Variants in MPHOSPH10 observed in about 807,000 individuals in gnomAD.
The protein encoded by MPHOSPH10 is U3 small nucleolar ribonucleoprotein MPP10.
MPHOSPH10 carries 33 observed loss-of-function variants against 77.3 expected under a neutral mutation model. The ratio of observed to expected loss-of-function variants is 0.43; its 90% CI spans 0.32 to 0.57. The LOEUF is 0.57. MPHOSPH10 is among the 20% of genes least tolerant of loss of function. The pLI is 0.07. For missense variants in MPHOSPH10, 708 were observed against 780.1 expected (o/e 0.91, Z 1.10); for synonymous variants, 245 against 268.0 (o/e 0.91, Z 0.84).
chr2:71,149,116 C>A, intron 9 of MPHOSPH10, 107 bp from the exon 10 acceptor site: 2 of 983,792 alleles, frequency 2.0e-6, no homozygotes, highest in Non-Finnish European at 3.0e-6. Context: ...GTGCATTTGG[C>A]CACAGATGCA....
intron 7 of MPHOSPH10, among the ~76,000 whole-genome samples, chr2:71,141,765 C>T (rs554678685): frequency 1.3e-5 from 2 of 152,084 alleles, no homozygotes; most frequent in Admixed American, 6.6e-5. Context: ...TATGGTGGCT[C>T]ACATCTGTAA....
chr2:71,146,490 C>T (rs1167348582), intron 8 of MPHOSPH10, among the ~76,000 whole-genome samples: 2 of 152,058 alleles, frequency 1.3e-5, no homozygotes, highest in Non-Finnish European at 2.9e-5. Context: ...CATGCACCAC[C>T]ACGGCTGGCT....
intron 4 of MPHOSPH10, among the ~76,000 whole-genome samples, chr2:71,138,012 A>G (rs571630239): frequency 6.6e-6 from 1 of 152,282 alleles, no homozygotes; most frequent in South Asian, 2.1e-4. Context: ...AGAATTGCTC[A>G]GGAGACGGAG....
chr2:71,145,034 A>G (rs531598900), intron 8 of MPHOSPH10, among the ~76,000 whole-genome samples: 40 of 152,274 alleles, frequency 2.6e-4, no homozygotes, highest in Non-Finnish European at 5.4e-4. Context: ...GAGAAAACCA[A>G]GGTTTAGGAG....
intron 7 of MPHOSPH10, among the ~76,000 whole-genome samples, chr2:71,144,013 T>C (rs142515609): frequency 6.6e-6 from 1 of 152,222 alleles, no homozygotes; most frequent in African/African-American, 2.4e-5. Flanking sequence ...CTGCCAAGCT[T>C]GTTGCCACTG....
chr2:71,139,955 A>C (rs918643320), intron 6 of MPHOSPH10, 93 bp downstream of exon 6: 2 of 899,680 alleles, frequency 2.2e-6, no homozygotes, highest in Non-Finnish European at 3.4e-6. Flanking sequence ...ATTGCTTTTT[A>C]TTTTCACTTA....
At position 71,133,119 on chromosome 2, in the gene MPHOSPH10, T is replaced by A. The variant is rs571498907; in HGVS notation, c.311T>A (p.Ile104Asn). Residue 104 changes from isoleucine (I) to asparagine (N), a missense_variant, in exon 2 of 11, where the codon ATC becomes AAC. Transcript: ENST00000244230. ...AGTGAAACAATTAATGATGAAGATATCAGTCTTCTCCCAGAGAGTGAAGAA... is the reference window on the plus strand; with the variant it reads ...AGTGAAACAATTAATGATGAAGATAACAGTCTTCTCCCAGAGAGTGAAGAA... The part of the protein sequence containing the change: ...AVSETINDED[I>N]SLLPESEEQE... The A allele has an allele frequency of 6.2e-7, 1 of 1,614,096 alleles. No individual in the cohort carries two copies. The highest frequency in any genetic ancestry group is 8.5e-7 in the Non-Finnish European group (1 of 1,179,996).
chr2:71,134,871 A>G, intron 4 of MPHOSPH10, 74 bp downstream of exon 4: 1 of 1,227,026 alleles, frequency 8.1e-7, no homozygotes, highest in Non-Finnish European at 1.2e-6. Context: ...CCATCCTTTG[A>G]AAACAAATAT....
At chr2:71,133,682 A>T in intron 2 of MPHOSPH10, 106 bp downstream of exon 2, 1 of 1,205,226 alleles carries the variant, frequency 8.3e-7, no homozygotes, top group Non-Finnish European at 1.2e-6. Context: ...GATAAGAAAT[A>T]TTGTGCTCTA....
At chr2:71,130,865 CG>C (rs1426600855) in intron 1 of MPHOSPH10, 111 bp downstream of exon 1, 1 of 1,019,350 alleles carries the variant, frequency 9.8e-7, no homozygotes, top group Non-Finnish European at 1.4e-6. Flanking sequence ...AACGTAAAAT[CG>C]CTTTTCCCCA....
chr2:71,134,712 A>T lies in MPHOSPH10; in HGVS notation c.1013A>T (p.Asp338Val), dbSNP rs1369843889. ...LKRVTFALPD[D>V]AETEDTGVLN... ...AGAGTGACCTTTGCTTTACCAGATGATGCGGAAACTGAAGATACAGGTGTT... is the reference window on the plus strand; with the variant it reads ...AGAGTGACCTTTGCTTTACCAGATGTTGCGGAAACTGAAGATACAGGTGTT... Residue 338 changes from aspartate (D) to valine (V), a missense_variant, in exon 4 of 11, where the codon GAT becomes GTT. This residue lies in a region of MPHOSPH10 where 433 missense variants were observed against 432.6 expected (regional missense o/e 1.00). Coordinates refer to ENST00000244230, the MANE Select transcript of MPHOSPH10 (RefSeq NM_005791.3). The T allele has an allele frequency of 6.2e-7, 1 of 1,611,936 alleles. No individual in the cohort carries two copies. The highest frequency in any genetic ancestry group is 8.5e-7 in the Non-Finnish European group (1 of 1,178,804).
chr2:71,140,114 C>T (rs541847179), intron 6 of MPHOSPH10, among the ~76,000 whole-genome samples: 38 of 152,260 alleles, frequency 2.5e-4, no homozygotes, highest in South Asian at 8.3e-4. Flanking sequence ...ACCTTTTGGG[C>T]GGTGCTCAGT....
Position 71,138,580 on chromosome 2 carries a change from G to A in MPHOSPH10, c.1189G>A (p.Glu397Lys). ...QGEVTAQKRPENSLLEETLHF... is the reference protein window; with the variant it reads ...QGEVTAQKRPKNSLLEETLHF... ...GGAAGTGACAGCACAGAAGAGGCCA[G>A]AGAACAGCCTCCTGGAGGAGACCCT... Residue 397 changes from glutamate to lysine, a missense_variant, in exon 5 of 11, where the codon GAG becomes AAG. This residue lies in a region of MPHOSPH10 where 12 missense variants were observed against 27.6 expected (regional missense o/e 0.44). Transcript: ENST00000244230. 2 of 1,614,208 alleles carry A rather than the reference G, an allele frequency of 1.2e-6. No homozygotes were observed. Among genetic ancestry groups the A allele is most frequent in the Non-Finnish European group, 1.7e-6 (2 of 1,180,026 alleles).
At chr2:71,138,661 T>A in intron 5 of MPHOSPH10, 30 bp downstream of exon 5, 1 of 1,613,836 alleles carries the variant, frequency 6.2e-7, no homozygotes, top group Admixed American at 1.7e-5. Flanking sequence ...AGTTTTCATG[T>A]CTGTGCTTTT....
In MPHOSPH10 at chr2:71,144,537, C is replaced by T. The variant is rs759188709; in HGVS notation, c.1556C>T (p.Pro519Leu). Residue 519 changes from proline to leucine, a missense_variant and splice_region_variant, in exon 8 of 11, where the codon CCG becomes CTG. This residue lies in a region of MPHOSPH10 where 263 missense variants were observed against 320.0 expected (regional missense o/e 0.82). Coordinates refer to ENST00000244230, the MANE Select transcript of MPHOSPH10 (RefSeq NM_005791.3). ...ALSNFHFIPK[P>L]PVPEIKVVSN... ...TCAAACTTCCACTTTATCCCTAAAC[C>T]GGTAAGTGTGTTAACAGTTCAGTGT... 6.8e-6 allele frequency: 11 copies of T among 1,606,728 alleles called. No homozygotes were observed. Among genetic ancestry groups the T allele is most frequent in the Non-Finnish European group, 4.3e-6 (5 of 1,173,334 alleles).
At chr2:71,137,088 C>T (rs1333077114) in intron 4 of MPHOSPH10, among the ~76,000 whole-genome samples, 2 of 151,562 alleles carry the variant, frequency 1.3e-5, no homozygotes, top group East Asian at 3.9e-4. Context: ...TTCCTGACTG[C>T]AAGACATTAA....
Position 71,133,222 on chromosome 2 carries a change from G to A in MPHOSPH10, c.414G>A (p.Val138=). Residue 138 remains valine (V), a synonymous_variant, in exon 2 of 11, where the codon GTG becomes GTA. Transcript: ENST00000244230. ...EDLEDLEEEE[V]SDMGNDDPEM... Reference sequence around the variant, plus strand: ...TAGAAGATTTAGAGGAGGAGGAAGTGTCCGACATGGGTAATGATGATCCTG... The same window carrying A: ...TAGAAGATTTAGAGGAGGAGGAAGTATCCGACATGGGTAATGATGATCCTG... 1.2e-6 allele frequency: 2 copies of A among 1,614,144 alleles called. No individual in the cohort carries two copies. Among genetic ancestry groups the A allele is most frequent in the South Asian group, 2.2e-5 (2 of 91,086 alleles).
chr2:71,133,641 G>A, intron 2 of MPHOSPH10, 65 bp downstream of exon 2: 4 of 1,444,000 alleles, frequency 2.8e-6, no homozygotes, highest in Non-Finnish European at 3.7e-6. Context: ...GTTTTTCTAG[G>A]AGAGATTTAA....
rs60456435 is a variant in MPHOSPH10, at chr2:71,136,848, C to CTTTTT, written c.1099-1629_1099-1625dup. ...TAAAGAATAAAGTAGAACTTTCAAC[C>CTTTTT]TTTTTTTTTTTTTTTTTGAAACTGT... On this transcript the variant is annotated intron_variant, in intron 4 of 10. Coordinates refer to ENST00000244230, the MANE Select transcript of MPHOSPH10 (RefSeq NM_005791.3). 6.5e-3 allele frequency among the ~76,000 whole-genome samples: 773 copies of CTTTTT among 118,610 alleles called. 35 individuals are homozygous for CTTTTT. Among genetic ancestry groups the CTTTTT allele is most frequent in the African/African-American group, 0.023 (712 of 30,864 alleles). 77.8% of individuals were successfully genotyped at this position (118,610 alleles called of 152,430 possible).
Sources: allele counts gnomAD v4.1 joint callset (sites outside exome capture counted in the v4.1 genomes callset), GRCh38; gene constraint gnomAD v4.1.1; regional missense constraint gnomAD v4.1.1; transcripts MANE v1.5; gene names NCBI Gene and HGNC (gene_info 2026-07-23, HGNC 2026-07-21).